CDH18: variants seen among roughly 807,000 people sequenced by gnomAD.
CDH18 encodes cadherin 18.
In CDH18, 31 loss-of-function variants were observed where a neutral mutation model predicts 67.9. The observed-to-expected ratio is 0.46, with a 90% CI of 0.34 to 0.62. The LOEUF (loss-of-function observed/expected upper bound fraction) is 0.62. Ranked by LOEUF, CDH18 falls within the 20% of genes least tolerant of loss-of-function variation. The pLI, the probability that CDH18 is intolerant of heterozygous loss-of-function variation, is 0.01. For missense variants in CDH18, 890 were observed against 975.5 expected, an observed-to-expected ratio of 0.91 and a Z score of 1.17; for synonymous variants, 362 against 347.2, an observed-to-expected ratio of 1.04 and a Z score of -0.48.
intron 4 of CDH18, among the ~76,000 whole-genome samples, chr5:19,727,439 A>G (rs1417532521): frequency 6.6e-6 from 1 of 152,188 alleles, no homozygotes; most frequent in African/African-American, 2.4e-5. Flanking sequence ...CAAAAACACC[A>G]AAGATGGTCA....
At chr5:20,352,654 G>A (rs1303545068) in intron 1 of CDH18, among the ~76,000 whole-genome samples, 1 of 150,760 alleles carries the variant, frequency 6.6e-6, no homozygotes, top group South Asian at 2.1e-4. Context: ...AATTAGCCAG[G>A]CCTGGTGGCT....
chr5:19,571,882 A>G, intron 7 of CDH18, 50 bp from the exon 8 acceptor site: 1 of 1,431,734 alleles, frequency 7.0e-7, no homozygotes, highest in East Asian at 2.3e-5. Flanking sequence ...AAGTCATATT[A>G]TGACTTTCAT....
At chr5:20,235,342 C>T (rs1742389937) in intron 2 of CDH18, among the ~76,000 whole-genome samples, 2 of 151,818 alleles carry the variant, frequency 1.3e-5, no homozygotes, top group Admixed American at 6.6e-5. Flanking sequence ...GTAAACAGAC[C>T]GCCCACAGAA....
intron 2 of CDH18, among the ~76,000 whole-genome samples, chr5:20,125,355 A>C (rs533318677): frequency 1.1e-3 from 162 of 151,872 alleles, no homozygotes; most frequent in Non-Finnish European, 1.6e-3. Flanking sequence ...TGTGTGAAAA[A>C]ATTTTGAAGT....
Position 19,747,145 on chromosome 5 carries a change from G to A in CDH18, c.320C>T (p.Thr107Met), listed in dbSNP as rs1253587457. Residue 107 changes from threonine to methionine, a missense_variant, in exon 4 of 13, where the codon ACG (threonine) becomes ATG (methionine). By Grantham distance (81) the Thr-to-Met change is moderately conservative. This residue lies in a region of CDH18 where 234 missense variants were observed against 307.4 expected (regional missense o/e 0.76). Transcript: ENST00000382275. The stretch of plus-strand genomic sequence containing the variant: ...GCTTTTTGTTGAGTGGATATCACCC[G>A]TGGTATCGTCAATGATAAATATAGT... ...AGTIFIIDDT[T>M]GDIHSTKSLD... 1.2e-6 allele frequency: 2 copies of A among 1,613,784 alleles called. No homozygotes were observed. Among genetic ancestry groups the A allele is most frequent in the South Asian group, 1.1e-5 (1 of 91,074 alleles).
At chr5:19,502,603 T>A (rs963128107) in intron 11 of CDH18, 2 of 385,230 alleles carry the variant, frequency 5.2e-6, no homozygotes, top group Non-Finnish European at 9.2e-6. Flanking sequence ...TCATACAAGA[T>A]GATTGCAAGC....
chr5:20,480,937 A>G (rs1752761591), intron 1 of CDH18, among the ~76,000 whole-genome samples: 4 of 152,140 alleles, frequency 2.6e-5, no homozygotes, highest in Admixed American at 2.6e-4. Context: ...ATGTAAAGGA[A>G]AGAAGACCAC....
intron 1 of CDH18, among the ~76,000 whole-genome samples, chr5:20,519,591 G>A (rs1230487316): frequency 1.3e-5 from 2 of 151,900 alleles, no homozygotes; most frequent in African/African-American, 2.4e-5. Context: ...CGCACATTGT[G>A]CACATATACC....
rs150520970 is a variant in CDH18, at chr5:19,798,276, T to C, written c.228+40483A>G. Among the ~76,000 whole-genome samples the C allele has an allele frequency of 4.5e-3, 692 of 152,206 alleles. 6 individuals carry two copies. The highest frequency in any genetic ancestry group is 0.016 in the African/African-American group (667 of 41,558). ...ACATCCTGGTTCTAATATCAAACTC[T>C]TAAAATCTAGTTGTGAAAAATATTG... is the stretch of plus-strand genomic sequence containing the variant. On this transcript the variant is annotated intron_variant, in intron 3 of 12. Coordinates refer to ENST00000382275, the MANE Select transcript of CDH18 (RefSeq NM_004934.5).
chr5:20,044,486 G>A (rs1740739461), intron 2 of CDH18, among the ~76,000 whole-genome samples: 1 of 152,012 alleles, frequency 6.6e-6, no homozygotes, highest in African/African-American at 2.4e-5. Flanking sequence ...GTTCTACTAT[G>A]CTAATTTTGT....
chr5:19,682,182 T>C (rs1421101915), intron 5 of CDH18, among the ~76,000 whole-genome samples: 1 of 152,030 alleles, frequency 6.6e-6, no homozygotes, highest in African/African-American at 2.4e-5. Context: ...TGACAGCTGC[T>C]CCCTCTTCAA....
At chr5:19,925,895 G>C (rs1183810270) in intron 2 of CDH18, among the ~76,000 whole-genome samples, 2 of 152,076 alleles carry the variant, frequency 1.3e-5, no homozygotes, top group Non-Finnish European at 2.9e-5. Context: ...TACATTTGTT[G>C]ATTCAACTGG....
intron 12 of CDH18, among the ~76,000 whole-genome samples, chr5:19,478,066 A>G (rs773989551): frequency 6.6e-6 from 1 of 152,080 alleles, no homozygotes; most frequent in Non-Finnish European, 1.5e-5. Context: ...TTATGAATTA[A>G]TTTTATCATC....
At chr5:19,719,958 A>C (rs1765861497) in intron 5 of CDH18, among the ~76,000 whole-genome samples, 1 of 149,286 alleles carries the variant, frequency 6.7e-6, no homozygotes, top group South Asian at 2.1e-4. Flanking sequence ...AGAAAGAAAG[A>C]AGGAAAGAGT....
At chr5:20,478,818 C>T (rs1470833778) in intron 1 of CDH18, among the ~76,000 whole-genome samples, 1 of 152,182 alleles carries the variant, frequency 6.6e-6, no homozygotes, top group African/African-American at 2.4e-5. Context: ...GCTATGCTGG[C>T]TTTGGGTCTG....
intron 10 of CDH18, among the ~76,000 whole-genome samples, chr5:19,503,351 C>T (rs149614032): frequency 1.4e-3 from 209 of 151,628 alleles, no homozygotes; most frequent in East Asian, 2.9e-3. Flanking sequence ...GCATTGCAAA[C>T]GCATTGATTT....
At chr5:19,947,585 CAAA>C (rs35601486) in intron 2 of CDH18, among the ~76,000 whole-genome samples, 577 of 53,184 alleles carry the variant, frequency 0.011, 3 homozygotes, top group African/African-American at 0.024. Flanking sequence ...TACTAAAATA[CAAA>C]AAAAAAAAAA....
chr5:19,884,459 C>A (rs1787980621), intron 2 of CDH18, among the ~76,000 whole-genome samples: 1 of 151,910 alleles, frequency 6.6e-6, no homozygotes. Flanking sequence ...AAGTTGAAAT[C>A]TATCATTTCA....
intron 2 of CDH18, among the ~76,000 whole-genome samples, chr5:20,072,797 G>A (rs536359031): frequency 6.6e-6 from 1 of 151,728 alleles, no homozygotes; most frequent in Admixed American, 6.6e-5. Flanking sequence ...ATTAATCTAT[G>A]ATTATTAAAA....
Sources: allele counts gnomAD v4.1 joint callset (sites outside exome capture counted in the v4.1 genomes callset), GRCh38; gene constraint gnomAD v4.1.1; regional missense constraint gnomAD v4.1.1; transcripts MANE v1.5; gene names NCBI Gene and HGNC (gene_info 2026-07-23, HGNC 2026-07-21).